Variants in PRIM2 observed in about 807,000 individuals in gnomAD.
The protein encoded by PRIM2 is DNA primase subunit 2, also known as DNA primase large subunit.
In PRIM2, 39 loss-of-function variants were observed where a neutral mutation model predicts 67.3. The ratio of observed to expected loss-of-function variants is 0.58; its 90% CI spans 0.45 to 0.76. The LOEUF (loss-of-function observed/expected upper bound fraction) is 0.76, where lower values mean the gene tolerates loss of function less well. Among genes scored for constraint, PRIM2 ranks in the 30% least tolerant of loss-of-function variants. PRIM2 has a pLI of 0.00. For missense variants in PRIM2, 398 were observed against 598.7 expected (o/e 0.66, Z 3.50); for synonymous variants, 143 against 198.7 (o/e 0.72, Z 2.36).
the PRIM2 span, among the ~76,000 whole-genome samples, chr6:57,224,083 A>G: frequency 2.6e-5 from 4 of 152,226 alleles, no homozygotes; most frequent in South Asian, 4.1e-4. Flanking sequence ...ATGTCCATCA[A>G]TGGATGAATG....
At chr6:57,612,880 G>A (rs1374495807) in intron 12 of PRIM2, among the ~76,000 whole-genome samples, 47,752 of 147,924 alleles carry the variant, frequency 0.32, 7,590 homozygotes, top group East Asian at 0.44. Flanking sequence ...TTGCAACCTC[G>A]AACTCCTGGG....
intron 7 of PRIM2, among the ~76,000 whole-genome samples, chr6:57,414,477 A>G (rs1240315751): frequency 6.8e-4 from 104 of 152,284 alleles, no homozygotes; most frequent in African/African-American, 2.5e-3. Context: ...GGATTTAGTG[A>G]TGAGAGTTGT....
chr6:57,311,268 A>G (rs1463897315), upstream of PRIM2, among the ~76,000 whole-genome samples: 12 of 138,216 alleles, frequency 8.7e-5, no homozygotes, highest in South Asian at 2.4e-4. Context: ...GGCGCTCCTC[A>G]CTTCCCAGAC....
chr6:57,369,782 C>A lies in PRIM2; in HGVS notation c.460-10119C>A, dbSNP rs565518293. The stretch of plus-strand genomic sequence containing the variant: ...ATCAGTTATTTTGAATTCCCCTATA[C>A]ACCAAGACCTGTGTTAGTTTAATGA... On this transcript the variant is annotated intron_variant, in intron 5 of 13. Transcript: ENST00000615550. Among the ~76,000 whole-genome samples the A allele has an allele frequency of 1.1e-4, 16 of 152,308 alleles. No homozygotes were observed. In the East Asian group the frequency reaches 1.5e-3, roughly 15 times the overall value.
chr6:57,629,710 C>T (rs1447314180), intron 12 of PRIM2, among the ~76,000 whole-genome samples: 6 of 148,308 alleles, frequency 4.0e-5, no homozygotes, highest in African/African-American at 1.3e-4. Flanking sequence ...AATCTGTTCC[C>T]AGCACAGCAG....
chr6:57,321,307 T>G (rs1158669279), intron 3 of PRIM2, among the ~76,000 whole-genome samples: 4 of 152,142 alleles, frequency 2.6e-5, no homozygotes, highest in Admixed American at 6.5e-5. Flanking sequence ...GAGAAGCAAG[T>G]CTTGGAAGAC....
chr6:57,336,822 T>C (rs1311246344), intron 5 of PRIM2, among the ~76,000 whole-genome samples: 2 of 152,164 alleles, frequency 1.3e-5, no homozygotes. Flanking sequence ...AATAACCAGC[T>C]AACATCACAA....
rs1295801725 is a variant in PRIM2, at chr6:57,340,037, T to C, written c.459+13992T>C. Among the ~76,000 whole-genome samples, 5 of 150,382 alleles carry C rather than the reference T, an allele frequency of 3.3e-5. No homozygotes were observed. The East Asian group carries it at 9.7e-4, about 29-fold the overall frequency. ...AAAAAAAAACAACCCCATCAAAAAGTGGGCAAAGGACATGAACAGACACTT... is the reference window on the plus strand; with the variant it reads ...AAAAAAAAACAACCCCATCAAAAAGCGGGCAAAGGACATGAACAGACACTT... On this transcript the variant is annotated intron_variant, in intron 5 of 13. Transcript: ENST00000615550.
At chr6:57,274,726 C>T in the PRIM2 span, among the ~76,000 whole-genome samples, 31 of 152,340 alleles carry the variant, frequency 2.0e-4, 1 homozygote, top group African/African-American at 5.3e-4. Flanking sequence ...GCATCACTCA[C>T]GCTGGGAGCT....
chr6:57,491,612 T>C (rs1773893745), intron 7 of PRIM2, among the ~76,000 whole-genome samples: 13 of 152,348 alleles, frequency 8.5e-5, no homozygotes, highest in Admixed American at 5.9e-4. Flanking sequence ...ATGAAATAGA[T>C]GATTTTCTAA....
chr6:57,578,341 C>G (rs1776000018), intron 10 of PRIM2, among the ~76,000 whole-genome samples: 1 of 152,080 alleles, frequency 6.6e-6, no homozygotes, highest in Non-Finnish European at 1.5e-5. Context: ...TGTAAATATC[C>G]TGTTTCCCCA....
At chr6:57,597,155 A>G (rs1231109996) in intron 10 of PRIM2, among the ~76,000 whole-genome samples, 1 of 152,136 alleles carries the variant, frequency 6.6e-6, no homozygotes, top group Non-Finnish European at 1.5e-5. Context: ...ATACAAAAAT[A>G]AATTCCATTG....
chr6:57,229,224 T>G, the PRIM2 span, among the ~76,000 whole-genome samples: 3 of 152,324 alleles, frequency 2.0e-5, no homozygotes, highest in Non-Finnish European at 4.4e-5. Flanking sequence ...TAAGAGAGGC[T>G]GATCCTAAAC....
chr6:57,579,789 AGGTGGGCAT>A (rs1442366611), intron 10 of PRIM2, among the ~76,000 whole-genome samples: 1 of 152,304 alleles, frequency 6.6e-6, no homozygotes, highest in African/African-American at 2.4e-5. Context: ...CTGAAAATAA[AGGTGGGCAT>A]GGGGAGGGAG....
the PRIM2 span, among the ~76,000 whole-genome samples, chr6:57,264,594 CTT>C: frequency 0.037 from 3,957 of 106,694 alleles, 57 homozygotes; most frequent in African/African-American, 0.11. Context: ...AAGTCAAACG[CTT>C]TTTTTTTTTT....
At chr6:57,539,777 T>C (rs1318140230) in intron 10 of PRIM2, among the ~76,000 whole-genome samples, 1 of 151,944 alleles carries the variant, frequency 6.6e-6, no homozygotes, top group East Asian at 1.9e-4. Flanking sequence ...GTGGGTCGCC[T>C]GAGGTCAGGA....
intron 12 of PRIM2, among the ~76,000 whole-genome samples, chr6:57,626,561 A>C (rs1432809843): frequency 1.3e-5 from 2 of 152,128 alleles, no homozygotes; most frequent in African/African-American, 4.8e-5. Flanking sequence ...TAGTAGATGA[A>C]GTATAATTAA....
chr6:57,468,207 G>A (rs1371220795), intron 7 of PRIM2, among the ~76,000 whole-genome samples: 12 of 152,232 alleles, frequency 7.9e-5, no homozygotes, highest in East Asian at 7.7e-4. Context: ...GTCTTGCGCC[G>A]ATTTTCAAAA....
chr6:57,513,037 C>T (rs1726810076), intron 8 of PRIM2, among the ~76,000 whole-genome samples: 1 of 152,122 alleles, frequency 6.6e-6, no homozygotes, highest in South Asian at 2.1e-4. Flanking sequence ...AAGAAATAAA[C>T]TTACTTAGAC....
Sources: gnomAD v4.1 joint callset for allele counts (sites outside exome capture counted in the v4.1 genomes callset) on GRCh38, gnomAD v4.1.1 for gene constraint, MANE v1.5 for transcripts, NCBI Gene and HGNC (gene_info 2026-07-23, HGNC 2026-07-21) for gene names.